The following FSHR variants were observed in gnomAD, a reference collection of about 807,000 sequenced individuals.
FSHR encodes follicle stimulating hormone receptor, also known as follicle-stimulating hormone receptor.
In FSHR, 46 loss-of-function variants were observed where a neutral mutation model predicts 52.1. The ratio of observed to expected loss-of-function variants is 0.88; its 90% CI spans 0.70 to 1.13. FSHR has a LOEUF of 1.13. Among genes scored for constraint, FSHR ranks in the 50% most tolerant of loss-of-function variants. The pLI, the probability that FSHR is intolerant of heterozygous loss-of-function variation, is 0.00. For synonymous variants in FSHR, 399 were observed against 309.6 expected (o/e 1.29, Z -3.03); for missense variants, 964 against 834.6 (o/e 1.16, Z -1.91).
chr2:49,003,563 T>C (rs899519550), intron 4 of FSHR, among the ~76,000 whole-genome samples: 1 of 152,132 alleles, frequency 6.6e-6, no homozygotes, highest in Non-Finnish European at 1.5e-5. Context: ...ACCAGGATCT[T>C]ATCGCCTAAG....
intron 1 of FSHR, among the ~76,000 whole-genome samples, chr2:49,145,962 A>G (rs1190933804): frequency 6.6e-6 from 1 of 152,054 alleles, no homozygotes; most frequent in Non-Finnish European, 1.5e-5. Context: ...GGGAGTAGAA[A>G]ATAGCACATA....
chr2:49,002,990 C>G (rs1022310416), intron 4 of FSHR, among the ~76,000 whole-genome samples: 1 of 152,140 alleles, frequency 6.6e-6, no homozygotes, highest in African/African-American at 2.4e-5. Context: ...GTCCTTCAAG[C>G]ATGCCAGGCT....
intron 2 of FSHR, among the ~76,000 whole-genome samples, chr2:49,045,108 C>CGAT (rs1275842057): frequency 3.9e-5 from 6 of 152,164 alleles, no homozygotes; most frequent in Non-Finnish European, 8.8e-5. Flanking sequence ...TCCCCATAAT[C>CGAT]TATCATTTGG....
chr2:49,133,053 C>T (rs933691084), intron 1 of FSHR, among the ~76,000 whole-genome samples: 10 of 149,076 alleles, frequency 6.7e-5, no homozygotes, highest in South Asian at 4.3e-4. Context: ...CATCTCAGAG[C>T]GGGTGGAGAC....
At chr2:49,148,069 C>A (rs1672933024) in intron 1 of FSHR, among the ~76,000 whole-genome samples, 1 of 151,860 alleles carries the variant, frequency 6.6e-6, no homozygotes, top group African/African-American at 2.4e-5. Context: ...CCTTAATTGG[C>A]AAAAATTATA....
intron 1 of FSHR, among the ~76,000 whole-genome samples, chr2:49,081,200 A>G (rs916729113): frequency 1.3e-5 from 2 of 152,160 alleles, no homozygotes; most frequent in Admixed American, 1.3e-4. Flanking sequence ...CTCACCATTA[A>G]ACAGGAATAG....
intron 4 of FSHR, among the ~76,000 whole-genome samples, chr2:49,008,863 T>C (rs1330946622): frequency 6.6e-6 from 1 of 150,848 alleles, no homozygotes; most frequent in Non-Finnish European, 1.5e-5. Flanking sequence ...CGCCCACTTT[T>C]TGATGGGGTT....
intron 1 of FSHR, among the ~76,000 whole-genome samples, chr2:49,149,351 G>T (rs1343434616): frequency 6.6e-6 from 1 of 151,930 alleles, no homozygotes; most frequent in Non-Finnish European, 1.5e-5. Context: ...ATACCTACTT[G>T]TCAGGCACAA....
chr2:49,050,940 G>T (rs562178276), intron 2 of FSHR, among the ~76,000 whole-genome samples: 10 of 152,080 alleles, frequency 6.6e-5, no homozygotes, highest in Non-Finnish European at 1.3e-4. Flanking sequence ...TGTTACCATA[G>T]ATTAGATTTT....
intron 1 of FSHR, among the ~76,000 whole-genome samples, chr2:49,119,172 A>G (rs1487232481): frequency 6.6e-6 from 1 of 152,186 alleles, no homozygotes; most frequent in Non-Finnish European, 1.5e-5. Context: ...AAGAATGAAG[A>G]CTGATATTAT....
chr2:49,098,099 T>A (rs939898138), intron 1 of FSHR, among the ~76,000 whole-genome samples: 3 of 152,148 alleles, frequency 2.0e-5, no homozygotes, highest in Non-Finnish European at 4.4e-5. Flanking sequence ...AATAATTTAT[T>A]TTAGTTTAAG....
chr2:49,027,284 C>T (rs1461092034), intron 2 of FSHR, among the ~76,000 whole-genome samples: 7 of 152,166 alleles, frequency 4.6e-5, no homozygotes, highest in Non-Finnish European at 8.8e-5. Flanking sequence ...GTGGTGACTC[C>T]GGAGTGGTTT....
chr2:49,099,192 A>G (rs1001517698), intron 1 of FSHR, among the ~76,000 whole-genome samples: 2 of 152,028 alleles, frequency 1.3e-5, no homozygotes, highest in Non-Finnish European at 1.5e-5. Flanking sequence ...AGCTCCCACA[A>G]TTCCCACATG....
At chr2:49,037,666 C>T (rs1240843124) in intron 2 of FSHR, among the ~76,000 whole-genome samples, 4 of 151,916 alleles carry the variant, frequency 2.6e-5, no homozygotes, top group Non-Finnish European at 5.9e-5. Flanking sequence ...AATAAGTGGA[C>T]TGAATAATAG....
chr2:49,142,929 G>A (rs1482377631), intron 1 of FSHR, among the ~76,000 whole-genome samples: 1 of 152,172 alleles, frequency 6.6e-6, no homozygotes, highest in African/African-American at 2.4e-5. Flanking sequence ...GGGCTTAAAG[G>A]AAGGCAATTA....
chr2:49,116,647 T>A (rs10195635), intron 1 of FSHR, among the ~76,000 whole-genome samples: 38,233 of 152,058 alleles, frequency 0.25, 5,180 homozygotes, highest in East Asian at 0.47. Context: ...TTAACCTCCA[T>A]GTATGTAGCC....
rs1012354500 is a variant in FSHR at position 49,121,582 on chromosome 2, C to T, written c.152+32684G>A. Among the ~76,000 whole-genome samples the T allele has an allele frequency of 2.0e-5, 3 of 152,236 alleles. No individual in the cohort carries two copies. The South Asian group carries it at 6.2e-4, about 32-fold the overall frequency. On this transcript the variant is annotated intron_variant, in intron 1 of 9. Coordinates refer to ENST00000406846, the MANE Select transcript of FSHR (RefSeq NM_000145.4). ...TCTTTAGGGGCTTTCCCATACCTAG[C>T]TGAGGTTCTGTGTATCAGTGACAGA... is the stretch of plus-strand genomic sequence containing the variant.
At chr2:49,073,106 A>C (rs1191370189) in intron 1 of FSHR, among the ~76,000 whole-genome samples, 2 of 152,054 alleles carry the variant, frequency 1.3e-5, no homozygotes, top group Non-Finnish European at 2.9e-5. Context: ...ATCACAATTA[A>C]CATCTTATGG....
chr2:49,142,333 G>A (rs376597499), intron 1 of FSHR, among the ~76,000 whole-genome samples: 6 of 152,156 alleles, frequency 3.9e-5, no homozygotes, highest in African/African-American at 1.4e-4. Flanking sequence ...AAGATGAAAA[G>A]TCATCTCGTG....
Sources: gnomAD v4.1 joint callset for allele counts (sites outside exome capture counted in the v4.1 genomes callset) on GRCh38, gnomAD v4.1.1 for gene constraint, MANE v1.5 for transcripts, NCBI Gene and HGNC (gene_info 2026-07-23, HGNC 2026-07-21) for gene names.